The following SNX29 variants were observed in gnomAD, a reference collection of about 807,000 sequenced individuals.
The protein encoded by SNX29 is sorting nexin 29, also known as sorting nexin-29.
SNX29 carries 78 observed loss-of-function variants against 102.1 expected under a neutral mutation model. That is an observed-to-expected ratio of 0.76 (90% confidence interval 0.64 to 0.92). The LOEUF is 0.92. SNX29 is among the 40% of genes least tolerant of loss of function. The pLI is 0.00. For missense variants in SNX29, 1,280 were observed against 1,061.7 expected (o/e 1.21, Z -2.86); for synonymous variants, 580 against 414.5 (o/e 1.40, Z -4.85).
chr16:12,258,489 G>C lies in SNX29; in HGVS notation c.1679-19444G>C, dbSNP rs549237230. ...GAGCTCTCCTGAGGCACCCTCTCCA[G>C]TGTATGTTTTGCATAGAAATTGTTA... On this transcript the variant is annotated intron_variant, in intron 14 of 20. Transcript: ENST00000566228. Among the ~76,000 whole-genome samples, 3 of 152,130 alleles carry C rather than the reference G, an allele frequency of 2.0e-5. No homozygotes were observed. In the South Asian group the frequency reaches 6.2e-4, roughly 32 times the overall value.
rs527432309 is a variant in SNX29, at chr16:12,574,188, C to G, written c.*5559C>G. ...TTAAGATCTCTTGTATTAAAATTTT[C>G]TTTTGGAATAAGCTGTGGAAATTTT... On this transcript the variant is annotated 3_prime_UTR_variant, in exon 21 of 21. Coordinates refer to ENST00000566228, the MANE Select transcript of SNX29 (RefSeq NM_032167.5). 5.6e-6 allele frequency: 1 copy of G among 178,836 alleles called. No homozygotes were observed. Among genetic ancestry groups the G allele is most frequent in the Admixed American group, 6.3e-5 (1 of 15,860 alleles). 11.1% of individuals were successfully genotyped at this position (178,836 alleles called of 1,614,324 possible).
At chr16:12,374,976 G>C (rs2082820451) in intron 16 of SNX29, 1 of 152,130 alleles carries the variant, frequency 6.6e-6, no homozygotes, top group Non-Finnish European at 1.5e-5. Context: ...AAGATGAATG[G>C]TGTAATCCCA....
chr16:12,306,742 A>T (rs1391426592), intron 15 of SNX29, among the ~76,000 whole-genome samples: 2 of 152,226 alleles, frequency 1.3e-5, no homozygotes, highest in Non-Finnish European at 2.9e-5. Context: ...CCAGCACTTT[A>T]GAAATTCTTC....
intron 13 of SNX29, among the ~76,000 whole-genome samples, chr16:12,171,568 T>C (rs934167681): frequency 7.2e-5 from 11 of 152,188 alleles, no homozygotes; most frequent in African/African-American, 2.7e-4. Flanking sequence ...TTTCTGCCTT[T>C]ACAGTGGAGA....
chr16:12,043,225 C>G (rs972926870), intron 5 of SNX29, 148 bp downstream of exon 5: 5 of 1,071,802 alleles, frequency 4.7e-6, no homozygotes, highest in Non-Finnish European at 5.4e-6. Flanking sequence ...TTCTGCTGAG[C>G]TGTGGAGAAA....
chr16:12,540,637 C>T (rs964420731), intron 20 of SNX29, among the ~76,000 whole-genome samples: 1 of 152,206 alleles, frequency 6.6e-6, no homozygotes, highest in Non-Finnish European at 1.5e-5. Flanking sequence ...CCAGGATCAT[C>T]TCCCCATCTC....
intron 13 of SNX29, among the ~76,000 whole-genome samples, chr16:12,185,027 A>G (rs1008092518): frequency 6.6e-6 from 1 of 152,236 alleles, no homozygotes; most frequent in Non-Finnish European, 1.5e-5. Flanking sequence ...CAGCTGTCAC[A>G]AGAAAGGCTG....
At chr16:12,430,766 T>G (rs893652535) in intron 18 of SNX29, among the ~76,000 whole-genome samples, 1 of 151,980 alleles carries the variant, frequency 6.6e-6, no homozygotes, top group Non-Finnish European at 1.5e-5. Context: ...GAAGCTGCGG[T>G]GGGAGAATAA....
At chr16:12,484,321 A>C (rs1453501974) in intron 19 of SNX29, among the ~76,000 whole-genome samples, 1 of 152,136 alleles carries the variant, frequency 6.6e-6, no homozygotes, top group African/African-American at 2.4e-5. Context: ...GCTCCTGTTT[A>C]GATTATTCTA....
At chr16:12,261,812 C>G (rs1305499689) in intron 14 of SNX29, among the ~76,000 whole-genome samples, 1 of 139,122 alleles carries the variant, frequency 7.2e-6, no homozygotes, top group East Asian at 2.2e-4. Flanking sequence ...GCACGTGTCC[C>G]CGGCTGGAGT....
In SNX29 at chr16:12,570,122, G is replaced by A. The variant is rs553819436; in HGVS notation, c.*1493G>A. 9.7e-7 allele frequency: 1 copy of A among 1,032,938 alleles called. No individual in the cohort carries two copies. The highest frequency in any genetic ancestry group is 5.1e-5 in the East Asian group (1 of 19,792). The allele number at this position is 1,032,938 out of a possible 1,614,324, so 64.0% of individuals were successfully genotyped here. ...CGTAGCAAAAAGGAAGATTGTTCATGGCCTTTAAGGAAGGCTGAGATCACT... is the reference window on the plus strand; with the variant it reads ...CGTAGCAAAAAGGAAGATTGTTCATAGCCTTTAAGGAAGGCTGAGATCACT... On this transcript the variant is annotated 3_prime_UTR_variant, in exon 21 of 21. Transcript: ENST00000566228.
At chr16:12,539,294 A>G (rs1330014279) in intron 20 of SNX29, among the ~76,000 whole-genome samples, 11 of 151,274 alleles carry the variant, frequency 7.3e-5, no homozygotes, top group Non-Finnish European at 1.2e-4. Context: ...CCCCACCTCT[A>G]AGCCCTTGTC....
At chr16:12,333,648 T>A (rs1243774102) in intron 15 of SNX29, among the ~76,000 whole-genome samples, 2 of 152,136 alleles carry the variant, frequency 1.3e-5, no homozygotes, top group African/African-American at 4.8e-5. Context: ...GATTTCCTCT[T>A]CCCCAGGGCT....
intron 7 of SNX29, among the ~76,000 whole-genome samples, chr16:12,050,602 C>G (rs960629346): frequency 1.3e-5 from 2 of 152,076 alleles, no homozygotes; most frequent in African/African-American, 4.8e-5. Flanking sequence ...ATCCTCCAGT[C>G]GGCTGAACTG....
At chr16:12,379,053 C>T (rs551608262) in intron 16 of SNX29, among the ~76,000 whole-genome samples, 91 of 152,280 alleles carry the variant, frequency 6.0e-4, no homozygotes, top group African/African-American at 2.0e-3. Flanking sequence ...GATGGTTTCC[C>T]AACAGGAGAG....
chr16:12,353,182 G>T (rs1031695380), intron 15 of SNX29, among the ~76,000 whole-genome samples: 1 of 152,166 alleles, frequency 6.6e-6, no homozygotes, highest in Non-Finnish European at 1.5e-5. Flanking sequence ...TCCTAGCACT[G>T]TGCCTGGAAG....
chr16:12,366,958 A>G (rs2082508902), intron 16 of SNX29: 2 of 151,892 alleles, frequency 1.3e-5, no homozygotes, highest in East Asian at 3.9e-4. Flanking sequence ...TCTCCAGTTT[A>G]ATAAAGATTT....
chr16:12,435,186 G>T (rs1214814092), intron 18 of SNX29, among the ~76,000 whole-genome samples: 1 of 152,236 alleles, frequency 6.6e-6, no homozygotes, highest in South Asian at 2.1e-4. Flanking sequence ...TTCTTCCTCT[G>T]TCTCCTCCCG....
chr16:12,164,221 G>C (rs1031078258), intron 13 of SNX29, among the ~76,000 whole-genome samples: 1 of 152,128 alleles, frequency 6.6e-6, no homozygotes, highest in African/African-American at 2.4e-5. Context: ...GGGTATGGAA[G>C]AAATGTCAAG....
Sources: allele counts gnomAD v4.1 joint callset (sites outside exome capture counted in the v4.1 genomes callset), GRCh38; gene constraint gnomAD v4.1.1; transcripts MANE v1.5; gene names NCBI Gene and HGNC (gene_info 2026-07-23, HGNC 2026-07-21).